WBP1: variants seen among roughly 807,000 people sequenced by gnomAD.
WBP1 encodes WW domain-binding protein 1.
WBP1 carries 18 observed loss-of-function variants against 25.6 expected under a neutral mutation model. The ratio of observed to expected loss-of-function variants is 0.70; its 90% CI spans 0.49 to 1.04. The LOEUF is 1.04. Ranked by LOEUF, WBP1 falls within the 50% of genes least tolerant of loss-of-function variation. The pLI, the probability that WBP1 is intolerant of heterozygous loss-of-function variation, is 0.00. For synonymous variants in WBP1, 122 were observed against 137.7 expected (o/e 0.89, Z 0.80); for missense variants, 330 against 352.9 (o/e 0.94, Z 0.52).
Position 74,459,761 on chromosome 2 carries a change from G to A in WBP1, c.172+16G>A, listed in dbSNP as rs780793659. 8.1e-6 allele frequency: 13 copies of A among 1,614,122 alleles called. No individual in the cohort carries two copies. The highest frequency in any genetic ancestry group is 1.7e-5 in the Admixed American group (1 of 60,010). The stretch of plus-strand genomic sequence containing the variant: ...GAGCTCTGGTGTAAGTCTCCAAGAG[G>A]GCTATTTCCAGGTCCCTGTGTCCAC... On this transcript the variant is annotated intron_variant, in intron 2 of 3. Transcript: ENST00000233615.
chr2:74,460,633 G>T lies in WBP1; in HGVS notation c.762G>T (p.Pro254=). 2 of 1,599,256 alleles carry T rather than the reference G, an allele frequency of 1.3e-6. No homozygotes were observed. The highest frequency in any genetic ancestry group is 8.5e-7 in the Non-Finnish European group (1 of 1,171,550). The change falls in exon 4 of 4, where the codon CCG becomes CCT. Residue 254 remains proline (P), a synonymous_variant. Coordinates refer to ENST00000233615, the MANE Select transcript of WBP1 (RefSeq NM_012477.4). ...GTGCACTACCCCCAGAGTCTGTACC[G>T]CAGATCTTTCCCATGGGGCTGTCTT... is the stretch of plus-strand genomic sequence containing the variant. ...SPCALPPESV[P]QIFPMGLSSS...
chr2:74,458,453 C>T lies in WBP1; in HGVS notation c.-150C>T. The T allele has an allele frequency of 6.2e-6, 9 of 1,451,990 alleles. No homozygotes were observed. In the South Asian group the frequency reaches 1.1e-4, roughly 18 times the overall value. 89.9% of individuals were successfully genotyped at this position (1,451,990 alleles called of 1,614,324 possible). Reference sequence around the variant, plus strand: ...AATCTGAGTCCTAGTTGGTGGAGTTCTGCCCGGATGGAAGCTCCGGCCGCG... The same window carrying T: ...AATCTGAGTCCTAGTTGGTGGAGTTTTGCCCGGATGGAAGCTCCGGCCGCG... On this transcript the variant is annotated 5_prime_UTR_variant, in exon 1 of 4. Transcript: ENST00000233615.
rs1671832330 is a variant in WBP1, at chr2:74,459,654, G to C, written c.81G>C (p.Leu27=). Residue 27 remains leucine (L), a synonymous_variant, in exon 2 of 4, where the codon CTG becomes CTC. Coordinates refer to ENST00000233615, the MANE Select transcript of WBP1 (RefSeq NM_012477.4). The part of the protein sequence containing the change: ...LRAPQQQLRE[L]CPGVNNQPYL... ...CTCCTTGCCCGCAGCTTCGAGAGCTGTGCCCAGGAGTGAACAACCAGCCCT... is the reference window on the plus strand; with the variant it reads ...CTCCTTGCCCGCAGCTTCGAGAGCTCTGCCCAGGAGTGAACAACCAGCCCT... The C allele has an allele frequency of 1.2e-6, 2 of 1,614,030 alleles. No homozygotes were observed. Among genetic ancestry groups the C allele is most frequent in the African/African-American group, 2.7e-5 (2 of 75,050 alleles).
intron 2 of WBP1, 44 bp downstream of exon 2, chr2:74,459,789 T>A: frequency 6.2e-7 from 1 of 1,613,608 alleles, no homozygotes; most frequent in Non-Finnish European, 8.5e-7. Flanking sequence ...GTGTCCACCC[T>A]CCCTTGGACC....
chr2:74,460,117 A>G, intron 3 of WBP1, 68 bp downstream of exon 3: 1 of 1,575,646 alleles, frequency 6.3e-7, no homozygotes, highest in South Asian at 1.1e-5. Flanking sequence ...AAATCGTCTC[A>G]CATTCCCTTT....
chr2:74,459,073 T>G (rs1301460929), intron 1 of WBP1: 1 of 1,549,390 alleles, frequency 6.5e-7, no homozygotes, highest in Non-Finnish European at 8.7e-7. Flanking sequence ...GATGCCATCC[T>G]TTATCATCCA....
chr2:74,460,173 C>T (rs777670693), intron 3 of WBP1, 48 bp from the exon 4 acceptor site: 2 of 1,582,628 alleles, frequency 1.3e-6, no homozygotes, highest in African/African-American at 2.7e-5. Flanking sequence ...AACTAGCACC[C>T]TATACCTGGT....
At chr2:74,458,924 G>A (rs1259840108) in intron 1 of WBP1, 1 of 1,550,834 alleles carries the variant, frequency 6.4e-7, no homozygotes, top group African/African-American at 1.4e-5. Context: ...GGCATAGTGA[G>A]GTCCCAGGGA....
Position 74,460,000 on chromosome 2 carries a change from G to C in WBP1, c.300G>C (p.Gly100=), listed in dbSNP as rs1328197746. Residue 100 remains glycine (G), a synonymous_variant, in exon 3 of 4, where the codon GGG becomes GGC. Transcript: ENST00000233615. ...QREINLLAYH[G]ACHGAGPFPT... The stretch of plus-strand genomic sequence containing the variant: ...AAATCAACTTGTTGGCCTATCATGG[G>C]GCATGCCATGGGGCTGGTCCTTTCC... The C allele has an allele frequency of 6.2e-7, 1 of 1,614,116 alleles. No homozygotes were observed. Among genetic ancestry groups the C allele is most frequent in the East Asian group, 2.2e-5 (1 of 44,876 alleles).
chr2:74,458,984 A>G (rs888215136), intron 1 of WBP1: 40 of 1,550,392 alleles, frequency 2.6e-5, no homozygotes, highest in Non-Finnish European at 3.0e-5. Flanking sequence ...CTATGTGCCT[A>G]TTGTCACAAC....
intron 1 of WBP1, 183 bp from the exon 2 acceptor site, chr2:74,459,460 C>T (rs1572916895): frequency 1.5e-6 from 1 of 647,238 alleles, no homozygotes; most frequent in Non-Finnish European, 2.7e-6. Flanking sequence ...TATTCCAAAT[C>T]CTCTTCCACG....
chr2:74,459,712 A>G lies in WBP1; in HGVS notation c.139A>G (p.Thr47Ala), dbSNP rs1671834185. 4 of 1,614,070 alleles carry G rather than the reference A, an allele frequency of 2.5e-6. No homozygotes were observed. The highest frequency in any genetic ancestry group is 3.4e-6 in the Non-Finnish European group (4 of 1,180,002). Residue 47 changes from threonine (T) to alanine (A), a missense_variant, in exon 2 of 4, where the codon ACT (threonine) becomes GCT (alanine). Physicochemically the swap from Thr to Ala is moderately conservative, Grantham distance 58 (BLOSUM62 0). Transcript: ENST00000233615. ...TGAGAGTGGTCACTGCTGCGGGGAG[A>G]CTGGCTGCTGCACCTACTACTATGA... ...LCESGHCCGE[T>A]GCCTYYYELW...
At position 74,460,581 on chromosome 2, in the gene WBP1, T is replaced by G; in HGVS notation, c.710T>G (p.Leu237Arg). 1 of 1,613,414 alleles carries G rather than the reference T, an allele frequency of 6.2e-7. No individual in the cohort carries two copies. Among genetic ancestry groups the G allele is most frequent in the Non-Finnish European group, 8.5e-7 (1 of 1,179,694 alleles). Reference sequence around the variant, plus strand: ...AAGGAGGTGAGGGTTAGTGCCACCCTGCCAGATCTGGAGGACTACTCCCCG... The same window carrying G: ...AAGGAGGTGAGGGTTAGTGCCACCCGGCCAGATCTGGAGGACTACTCCCCG... Reference protein sequence around the residue: ...PVKEVRVSATLPDLEDYSPCA... With the variant: ...PVKEVRVSATRPDLEDYSPCA... The change falls in exon 4 of 4, where the codon CTG becomes CGG. Residue 237 changes from leucine (L) to arginine (R), a missense_variant. Leu to Arg is a moderately radical substitution (Grantham distance 102). Coordinates refer to ENST00000233615, the MANE Select transcript of WBP1 (RefSeq NM_012477.4).
chr2:74,458,976 A>G (rs1416565529), intron 1 of WBP1: 6 of 1,550,436 alleles, frequency 3.9e-6, no homozygotes, highest in East Asian at 2.4e-5. Context: ...ATCTTTTTCT[A>G]TGTGCCTATT....
At position 74,460,460 on chromosome 2, in the gene WBP1, G is replaced by A; in HGVS notation, c.589G>A (p.Ala197Thr). The A allele has an allele frequency of 1.9e-6, 3 of 1,613,350 alleles. No homozygotes were observed. Among genetic ancestry groups the A allele is most frequent in the Non-Finnish European group, 2.5e-6 (3 of 1,179,968 alleles). ...TGAGCCCGGGGCAGGGGTGACCCCT[G>A]CCTCCACACCCCCCTCCTGCCGCTA... ...EGEPGAGVTPASTPPSCRYRR... is the reference protein window; with the variant it reads ...EGEPGAGVTPTSTPPSCRYRR... The change falls in exon 4 of 4, where the codon GCC becomes ACC. Residue 197 changes from alanine to threonine, a missense_variant. Transcript: ENST00000233615.
At chr2:74,458,999 T>C (rs1374882261) in intron 1 of WBP1, 2 of 1,550,456 alleles carry the variant, frequency 1.3e-6, no homozygotes, top group South Asian at 2.4e-5. Context: ...CACAACAGAG[T>C]CCGGCAGCGT....
intron 1 of WBP1, chr2:74,459,357 G>T: frequency 1.6e-6 from 1 of 636,246 alleles, no homozygotes; most frequent in East Asian, 2.8e-5. Flanking sequence ...GGAGAGTGAG[G>T]CTTGAGTGTG....
Position 74,460,511 on chromosome 2 carries a change from A to G in WBP1, c.640A>G (p.Ile214Val). The G allele has an allele frequency of 6.2e-7, 1 of 1,613,626 alleles. No homozygotes were observed. The highest frequency in any genetic ancestry group is 1.1e-5 in the South Asian group (1 of 91,062). ...TCGCCGTTTAACTGGCGACTCCGGT[A>G]TTGAGCTCTGCCCTTGTCCTGCCTC... ...RYRRLTGDSG[I>V]ELCPCPASGE... is the part of the protein sequence containing the mutation. Residue 214 changes from isoleucine (I) to valine (V), a missense_variant, in exon 4 of 4, where the codon ATT becomes GTT. Transcript: ENST00000233615.
In WBP1 at chr2:74,458,680, A is replaced by T. The variant is rs763715949; in HGVS notation, c.69+9A>T. ...GGGCGCCGCAACAGCAGGTATCCCA[A>T]TAGCTCCAAAACCTATCACGACAGC... On this transcript the variant is annotated intron_variant, in intron 1 of 3. Transcript: ENST00000233615. 1.8e-5 allele frequency: 28 copies of T among 1,571,654 alleles called. No homozygotes were observed. The highest frequency in any genetic ancestry group is 2.4e-5 in the Non-Finnish European group (28 of 1,158,162).
Sources: allele counts gnomAD v4.1 joint callset, GRCh38; gene constraint gnomAD v4.1.1; transcripts MANE v1.5; gene names NCBI Gene and HGNC (gene_info 2026-07-23, HGNC 2026-07-21).